BRIP1: variants seen among roughly 807,000 people sequenced by gnomAD.
BRIP1 encodes the protein Fanconi anemia group J protein.
A neutral mutation model predicts 119.7 loss-of-function variants in BRIP1; 88 were observed. That is an observed-to-expected ratio of 0.74 (90% CI 0.62 to 0.88). BRIP1 has a LOEUF of 0.88. Ranked by LOEUF, BRIP1 falls within the 40% of genes least tolerant of loss-of-function variation. The probability of loss-of-function intolerance (pLI) is 0.00; values close to 1 mark genes in which losing one functional copy is unlikely to be tolerated. For missense variants in BRIP1, 1,259 were observed against 1,455.4 expected, an observed-to-expected ratio of 0.87 and a Z score of 2.20; for synonymous variants, 443 against 496.5, an observed-to-expected ratio of 0.89 and a Z score of 1.43.
rs893044627 is a variant in BRIP1, at chr17:61,822,441, C to A, written c.628-13684G>T. 6.6e-6 allele frequency among the ~76,000 whole-genome samples: 1 copy of A among 152,060 alleles called. No homozygotes were observed. The highest frequency in any genetic ancestry group is 2.4e-5 in the African/African-American group (1 of 41,400). ...TAAGATTTTTGTCGTACTAATAGAT[C>A]CAGTTATGTGCCCTCTGGGAAAAAT... On this transcript the variant is annotated intron_variant, in intron 6 of 19. Transcript: ENST00000259008. This position sits in a 1 kb window ranked among gnomAD's most constrained non-coding sequence, Gnocchi z 4.4.
In BRIP1 at chr17:61,789,279, A is replaced by T. The variant is rs980228267; in HGVS notation, c.1473+4318T>A. Among the ~76,000 whole-genome samples, 6 of 151,868 alleles carry T rather than the reference A, an allele frequency of 4.0e-5. No homozygotes were observed. The highest frequency in any genetic ancestry group is 8.8e-5 in the Non-Finnish European group (6 of 67,982). Reference sequence around the variant, plus strand: ...AAGACTCTGTCTCTTAAAAACAAAAAAAAAAAGTTAAAAAATATTTTTTTA... The same window carrying T: ...AAGACTCTGTCTCTTAAAAACAAAATAAAAAAGTTAAAAAATATTTTTTTA... On this transcript the variant is annotated intron_variant, in intron 10 of 19. Transcript: ENST00000259008. This position sits in a 1 kb window ranked among gnomAD's most constrained non-coding sequence, Gnocchi z 4.8.
rs535439193 is a variant in BRIP1 at position 61,844,472 on chromosome 17, C to T, written c.627+2629G>A. On this transcript the variant is annotated intron_variant, in intron 6 of 19. Coordinates refer to ENST00000259008, the MANE Select transcript of BRIP1 (RefSeq NM_032043.3). The surrounding 1 kb of genome is among the most constrained non-coding windows in gnomAD (Gnocchi z 4.7). Reference sequence around the variant, plus strand: ...GGGCATGGTGTTGCACAGCTGTAGTCCTTGCTATTCAGGAGGCTGGGGTTG... The same window carrying T: ...GGGCATGGTGTTGCACAGCTGTAGTTCTTGCTATTCAGGAGGCTGGGGTTG... Among the ~76,000 whole-genome samples the T allele has an allele frequency of 6.6e-6, 1 of 152,240 alleles. No homozygotes were observed. Among genetic ancestry groups the T allele is most frequent in the African/African-American group, 2.4e-5 (1 of 41,556 alleles).
chr17:61,727,492 TGTG>T (rs2076781288), intron 16 of BRIP1, among the ~76,000 whole-genome samples: 1 of 152,018 alleles, frequency 6.6e-6, no homozygotes, highest in East Asian at 1.9e-4. Flanking sequence ...CAGGGCCAGG[TGTG>T]GTGGCTCACG....
chr17:61,732,287 G>C (rs186466697), intron 16 of BRIP1, among the ~76,000 whole-genome samples: 9 of 152,122 alleles, frequency 5.9e-5, no homozygotes, highest in Non-Finnish European at 1.3e-4. Context: ...GGCCTATTCT[G>C]AATAGTTTTA....
Position 61,683,839 on chromosome 17 carries a change from T to C in BRIP1, c.3207A>G (p.Gln1069=), listed in dbSNP as rs1555572778. The change falls in exon 20 of 20, where the codon CAA becomes CAG. Residue 1069 remains glutamine, a synonymous_variant. Coordinates refer to ENST00000259008, the MANE Select transcript of BRIP1 (RefSeq NM_032043.3). The surrounding 1 kb of genome is among the most constrained non-coding windows in gnomAD (Gnocchi z 4.7). ...TTAATGATGAAATAATGGTTTCTGA[T>C]TGAGGGCATGATCCAAACGATGTGT... ...TVNTSFGSCP[Q]SETIISSLKI... 6.2e-7 allele frequency: 1 copy of C among 1,614,160 alleles called. No homozygotes were observed. Among genetic ancestry groups the C allele is most frequent in the Non-Finnish European group, 8.5e-7 (1 of 1,180,004 alleles).
In BRIP1 at chr17:61,690,691, G is replaced by A. The variant is rs2061434706; in HGVS notation, c.2575+2739C>T. Among the ~76,000 whole-genome samples the A allele has an allele frequency of 6.6e-6, 1 of 152,018 alleles. No individual in the cohort carries two copies. Among genetic ancestry groups the A allele is most frequent in the Admixed American group, 6.6e-5 (1 of 15,256 alleles). On this transcript the variant is annotated intron_variant, in intron 18 of 19. Coordinates refer to ENST00000259008, the MANE Select transcript of BRIP1 (RefSeq NM_032043.3). This position sits in a 1 kb window ranked among gnomAD's most constrained non-coding sequence, Gnocchi z 5.6. ...AGCTTAGTACTAAGAATCCTAGCCA[G>A]ACTATTAGGCAAGAAAATGAAATAA...
In BRIP1 at chr17:61,757,230, C is replaced by A. The variant is rs2077212514; in HGVS notation, c.2098-12639G>T. Among the ~76,000 whole-genome samples, 1 of 152,058 alleles carries A rather than the reference C, an allele frequency of 6.6e-6. No homozygotes were observed. On this transcript the variant is annotated intron_variant, in intron 14 of 19. Coordinates refer to ENST00000259008, the MANE Select transcript of BRIP1 (RefSeq NM_032043.3). This position sits in a 1 kb window ranked among gnomAD's most constrained non-coding sequence, Gnocchi z 4.3. ...GTCCTTAATTTTTGCTAAATACAAA[C>A]TGAAAATATAAGAAAACCAAGAATA...
chr17:61,859,982 T>A, intron 2 of BRIP1, 75 bp from the exon 3 acceptor site: 1 of 1,041,128 alleles, frequency 9.6e-7, no homozygotes, highest in Non-Finnish European at 1.5e-6. Flanking sequence ...GAAGTTTAAA[T>A]AGAACAGCAA....
chr17:61,696,878 C>T (rs1264880698), intron 17 of BRIP1, among the ~76,000 whole-genome samples: 3 of 146,672 alleles, frequency 2.0e-5, no homozygotes, highest in African/African-American at 5.0e-5. Context: ...CCCAGCTACT[C>T]GGGAGGCTGA....
chr17:61,700,895 T>C lies in BRIP1; in HGVS notation c.2493-7383A>G, dbSNP rs568021963. Among the ~76,000 whole-genome samples the C allele has an allele frequency of 1.3e-5, 2 of 152,282 alleles. No homozygotes were observed. The highest frequency in any genetic ancestry group is 3.9e-4 in the East Asian group (2 of 5,188). ...TAATCTCAATTGATGTTTAAGTAAA[T>C]CAATTCTTTCTTCTGCCTTCTTAAA... On this transcript the variant is annotated intron_variant, in intron 17 of 19. Transcript: ENST00000259008. This position sits in a 1 kb window ranked among gnomAD's most constrained non-coding sequence, Gnocchi z 4.1.
chr17:61,802,782 T>C lies in BRIP1; in HGVS notation c.919-1308A>G, dbSNP rs146028015. On this transcript the variant is annotated intron_variant, in intron 7 of 19. Coordinates refer to ENST00000259008, the MANE Select transcript of BRIP1 (RefSeq NM_032043.3). The surrounding 1 kb of genome is among the most constrained non-coding windows in gnomAD (Gnocchi z 6.0). ...CTGGTTTCTAAATATTTTCTTAGTCTATATTTTTAGAAATGGCATTATGGG... is the reference window on the plus strand; with the variant it reads ...CTGGTTTCTAAATATTTTCTTAGTCCATATTTTTAGAAATGGCATTATGGG... 6.6e-6 allele frequency among the ~76,000 whole-genome samples: 1 copy of C among 152,342 alleles called. No individual in the cohort carries two copies. Among genetic ancestry groups the C allele is most frequent in the Non-Finnish European group, 1.5e-5 (1 of 68,028 alleles).
chr17:61,796,723 C>A lies in BRIP1; in HGVS notation c.1340+2377G>T, dbSNP rs1195085600. Among the ~76,000 whole-genome samples, 1 of 151,960 alleles carries A rather than the reference C, an allele frequency of 6.6e-6. No individual in the cohort carries two copies. Among genetic ancestry groups the A allele is most frequent in the African/African-American group, 2.4e-5 (1 of 41,380 alleles). On this transcript the variant is annotated intron_variant, in intron 9 of 19. Coordinates refer to ENST00000259008, the MANE Select transcript of BRIP1 (RefSeq NM_032043.3). The surrounding 1 kb of genome is among the most constrained non-coding windows in gnomAD (Gnocchi z 4.8). ...TTACATGTTTAAAAAATGATTCTAG[C>A]TACCAAGCTAGAATTGATTACTGGA...
At chr17:61,698,590 G>A (rs1360427077) in intron 17 of BRIP1, among the ~76,000 whole-genome samples, 6 of 152,174 alleles carry the variant, frequency 3.9e-5, no homozygotes, top group African/African-American at 1.4e-4. Context: ...GCAGGGTATG[G>A]AAGTCTCCAA....
rs2078091025 is a variant in BRIP1, at chr17:61,807,470, A to G, written c.918+997T>C. On this transcript the variant is annotated intron_variant, in intron 7 of 19. Coordinates refer to ENST00000259008, the MANE Select transcript of BRIP1 (RefSeq NM_032043.3). The surrounding 1 kb of genome is among the most constrained non-coding windows in gnomAD (Gnocchi z 4.5). ...TTATAATCTCGTTTGAATATCTGTTAAAGTATCTTTTGACCATCCCTAAAT... is the reference window on the plus strand; with the variant it reads ...TTATAATCTCGTTTGAATATCTGTTGAAGTATCTTTTGACCATCCCTAAAT... 6.6e-6 allele frequency among the ~76,000 whole-genome samples: 1 copy of G among 152,196 alleles called. No homozygotes were observed. Among genetic ancestry groups the G allele is most frequent in the Non-Finnish European group, 1.5e-5 (1 of 68,018 alleles).
chr17:61,737,754 T>C (rs2076937603), intron 16 of BRIP1, among the ~76,000 whole-genome samples: 1 of 152,234 alleles, frequency 6.6e-6, no homozygotes, highest in Admixed American at 6.5e-5. Flanking sequence ...TGCATGCGTA[T>C]ACTCTTAAAG....
In BRIP1 at chr17:61,729,240, T is replaced by C. The variant is rs1040043255; in HGVS notation, c.2380-13177A>G. ...GTTGTGGTGAGCCAAGATCACGCCA[T>C]TGCACTCCAGCCTGGGAAACAAAAG... On this transcript the variant is annotated intron_variant, in intron 16 of 19. Coordinates refer to ENST00000259008, the MANE Select transcript of BRIP1 (RefSeq NM_032043.3). The surrounding 1 kb of genome is among the most constrained non-coding windows in gnomAD (Gnocchi z 5.6). Among the ~76,000 whole-genome samples the C allele has an allele frequency of 1.3e-5, 2 of 151,668 alleles. No homozygotes were observed. Among genetic ancestry groups the C allele is most frequent in the Admixed American group, 1.3e-4 (2 of 15,228 alleles).
intron 11 of BRIP1, among the ~76,000 whole-genome samples, chr17:61,782,417 CAT>C (rs2077638059): frequency 8.4e-6 from 1 of 119,068 alleles, no homozygotes; most frequent in Non-Finnish European, 1.8e-5. Flanking sequence ...GAAAAGAAAA[CAT>C]AGGGGAAATC....
rs547551025 is a variant in BRIP1, at chr17:61,810,680, T to C, written c.628-1923A>G. On this transcript the variant is annotated intron_variant, in intron 6 of 19. Coordinates refer to ENST00000259008, the MANE Select transcript of BRIP1 (RefSeq NM_032043.3). The surrounding 1 kb of genome is among the most constrained non-coding windows in gnomAD (Gnocchi z 4.7). Reference sequence around the variant, plus strand: ...TGATGTTACACTTTTCAACATCAATTCCACTTAAAGCTTTACCATCTACTC... The same window carrying C: ...TGATGTTACACTTTTCAACATCAATCCCACTTAAAGCTTTACCATCTACTC... 9.8e-5 allele frequency among the ~76,000 whole-genome samples: 15 copies of C among 152,322 alleles called. No homozygotes were observed. The South Asian group carries it at 3.1e-3, about 32-fold the overall frequency.
chr17:61,750,827 T>C (rs991933703), intron 14 of BRIP1, among the ~76,000 whole-genome samples: 1 of 151,976 alleles, frequency 6.6e-6, no homozygotes, highest in East Asian at 1.9e-4. Context: ...GCTGTCCAAA[T>C]AAGTAAGTGT....
Sources: allele counts gnomAD v4.1 joint callset (sites outside exome capture counted in the v4.1 genomes callset), GRCh38; gene constraint gnomAD v4.1.1; non-coding constraint Gnocchi (gnomAD v3.1); transcripts MANE v1.5; gene names NCBI Gene and HGNC (gene_info 2026-07-23, HGNC 2026-07-21).